The following ROBO2 variants were observed in gnomAD, a reference collection of about 807,000 sequenced individuals.
ROBO2 encodes the protein roundabout homolog 2.
In ROBO2, 53 loss-of-function variants were observed where a neutral mutation model predicts 160.8. The observed-to-expected ratio is 0.33, with a 90% CI of 0.26 to 0.41. The LOEUF is 0.41. Among genes scored for constraint, ROBO2 ranks in the 10% least tolerant of loss-of-function variants. The pLI, the probability that ROBO2 is intolerant of heterozygous loss-of-function variation, is 1.00. For missense variants in ROBO2, 1,577 were observed against 1,722.4 expected, an observed-to-expected ratio of 0.92 and a Z score of 1.49; for synonymous variants, 664 against 611.7, an observed-to-expected ratio of 1.09 and a Z score of -1.26.
At chr3:77,647,888 GA>G (rs2095423190) in exon 26 of ROBO2, 1 of 152,110 alleles carries the variant, frequency 6.6e-6, no homozygotes, top group Admixed American at 6.6e-5. Context: ...TTATAACAAG[GA>G]GATGACATAA....
At chr3:76,818,815 T>C (rs1308663540) in intron 2 of ROBO2, among the ~76,000 whole-genome samples, 1 of 152,122 alleles carries the variant, frequency 6.6e-6, no homozygotes, top group Non-Finnish European at 1.5e-5. Flanking sequence ...CATTGGCCCA[T>C]GTGCCTATTT....
chr3:76,879,527 C>A (rs1000344732), intron 2 of ROBO2, among the ~76,000 whole-genome samples: 1 of 151,996 alleles, frequency 6.6e-6, no homozygotes, highest in Non-Finnish European at 1.5e-5. Flanking sequence ...CATCAATCGA[C>A]CAACATAACT....
intron 2 of ROBO2, among the ~76,000 whole-genome samples, chr3:76,497,821 C>T (rs2080236945): frequency 6.6e-6 from 1 of 152,194 alleles, no homozygotes; most frequent in South Asian, 2.1e-4. Context: ...GAGACATTAA[C>T]TTCTGCCAGC....
At chr3:76,011,371 A>T (rs1249251736) in intron 2 of ROBO2, among the ~76,000 whole-genome samples, 1 of 152,160 alleles carries the variant, frequency 6.6e-6, no homozygotes, top group East Asian at 1.9e-4. Context: ...CAGACATTGT[A>T]CTCAGCACAA....
chr3:76,759,868 G>A (rs904217865), intron 2 of ROBO2, among the ~76,000 whole-genome samples: 7 of 151,714 alleles, frequency 4.6e-5, no homozygotes, highest in South Asian at 2.1e-4. Flanking sequence ...TCACAGCAGC[G>A]GCTCCGCGAT....
chr3:76,138,598 G>T (rs2071516260), intron 2 of ROBO2, among the ~76,000 whole-genome samples: 1 of 152,016 alleles, frequency 6.6e-6, no homozygotes, highest in African/African-American at 2.4e-5. Context: ...ACATCATGCA[G>T]TTGAATTTTT....
intron 2 of ROBO2, among the ~76,000 whole-genome samples, chr3:76,028,635 AAAT>A (rs2066819607): frequency 6.6e-6 from 1 of 151,928 alleles, no homozygotes; most frequent in African/African-American, 2.4e-5. Flanking sequence ...ATTAAGAAAA[AAAT>A]GTTTAACTAT....
At chr3:76,603,100 G>A (rs1287128110) in intron 2 of ROBO2, among the ~76,000 whole-genome samples, 1 of 151,592 alleles carries the variant, frequency 6.6e-6, no homozygotes, top group Non-Finnish European at 1.5e-5. Context: ...GGGAGGCCGA[G>A]GCGGGCAGAT....
upstream of ROBO2, among the ~76,000 whole-genome samples, chr3:77,035,082 TG>T (rs1485895718): frequency 1.3e-5 from 2 of 151,886 alleles, no homozygotes; most frequent in Non-Finnish European, 2.9e-5. Flanking sequence ...AAATAATAAG[TG>T]GATTTGCGAG....
intron 2 of ROBO2, among the ~76,000 whole-genome samples, chr3:76,620,307 A>T (rs2109238320): frequency 6.6e-6 from 1 of 152,316 alleles, no homozygotes; most frequent in African/African-American, 2.4e-5. Context: ...AGGAAAAGCT[A>T]CAAATTTTAC....
At chr3:77,004,034 T>C (rs1260033370) in intron 2 of ROBO2, among the ~76,000 whole-genome samples, 1 of 152,216 alleles carries the variant, frequency 6.6e-6, no homozygotes, top group African/African-American at 2.4e-5. Context: ...TGCTCACTTC[T>C]TTGATTTTGT....
intron 2 of ROBO2, among the ~76,000 whole-genome samples, chr3:77,410,681 CTCCTCT>C (rs2076693384): frequency 6.9e-6 from 1 of 143,922 alleles, no homozygotes; most frequent in African/African-American, 2.6e-5. Flanking sequence ...CTTCCTCCTC[CTCCTCT>C]TCCTCCTCCT....
At chr3:76,861,562 G>A (rs1198019983) in intron 2 of ROBO2, among the ~76,000 whole-genome samples, 1 of 152,010 alleles carries the variant, frequency 6.6e-6, no homozygotes, top group African/African-American at 2.4e-5. Flanking sequence ...TCCCTCCAGG[G>A]CCATCATGTC....
chr3:77,284,050 CA>C (rs993638856), intron 2 of ROBO2, among the ~76,000 whole-genome samples: 1 of 152,138 alleles, frequency 6.6e-6, no homozygotes, highest in East Asian at 1.9e-4. Context: ...ATTGATGTAT[CA>C]GGGGTCAGAA....
At chr3:77,442,366 C>G (rs954108070) in intron 2 of ROBO2, among the ~76,000 whole-genome samples, 1 of 151,886 alleles carries the variant, frequency 6.6e-6, no homozygotes, top group Non-Finnish European at 1.5e-5. Flanking sequence ...TTGCATGATG[C>G]TATTTTCATT....
chr3:76,570,325 A>G (rs781084268), intron 2 of ROBO2, among the ~76,000 whole-genome samples: 11 of 152,220 alleles, frequency 7.2e-5, no homozygotes, highest in African/African-American at 9.7e-5. Context: ...CAAACTGTTA[A>G]TGCATCTGTG....
chr3:76,013,423 A>G (rs1158966544), intron 2 of ROBO2, among the ~76,000 whole-genome samples: 1 of 150,626 alleles, frequency 6.6e-6, no homozygotes, highest in African/African-American at 2.5e-5. Flanking sequence ...GTGTAATCCC[A>G]GAAGTAATAT....
At chr3:76,963,212 T>C (rs2079800579) in intron 2 of ROBO2, among the ~76,000 whole-genome samples, 1 of 152,190 alleles carries the variant, frequency 6.6e-6, no homozygotes, top group Non-Finnish European at 1.5e-5. Flanking sequence ...TCATAAATTA[T>C]GTAAATAGCA....
intron 2 of ROBO2, among the ~76,000 whole-genome samples, chr3:76,055,651 A>G (rs949724414): frequency 2.0e-5 from 3 of 152,110 alleles, no homozygotes; most frequent in African/African-American, 7.2e-5. Flanking sequence ...CTCCATCCAC[A>G]TTGCTGCAAA....
Sources: gnomAD v4.1 joint callset for allele counts (sites outside exome capture counted in the v4.1 genomes callset) on GRCh38, gnomAD v4.1.1 for gene constraint, MANE v1.5 for transcripts, NCBI Gene and HGNC (gene_info 2026-07-23, HGNC 2026-07-21) for gene names.